CEP97: variants seen among roughly 807,000 people sequenced by gnomAD.
CEP97 encodes centrosomal protein 97, also known as centrosomal protein of 97 kDa.
CEP97 carries 43 observed loss-of-function variants against 73.1 expected under a neutral mutation model. The ratio of observed to expected loss-of-function variants is 0.59; its 90% CI spans 0.46 to 0.76. CEP97 has a LOEUF of 0.76. CEP97 is among the 30% of genes least tolerant of loss of function. The pLI is 0.00. For missense variants in CEP97, 939 were observed against 1,014.0 expected (o/e 0.93, Z 1.00); for synonymous variants, 337 against 370.0 (o/e 0.91, Z 1.02).
chr3:101,761,815 G>A (rs77609133), intron 9 of CEP97, among the ~76,000 whole-genome samples: 6,119 of 152,186 alleles, frequency 0.04, 440 homozygotes, highest in African/African-American at 0.14. Context: ...GGAACAAAAT[G>A]GTCTTGACAG....
At chr3:101,763,155 C>T (rs1304265486) in intron 10 of CEP97, 1 of 1,251,366 alleles carries the variant, frequency 8.0e-7, no homozygotes, top group Admixed American at 2.4e-5. Context: ...AACTTCTGGG[C>T]TCAAGCAGTC....
rs1410022881 is a variant in CEP97, at chr3:101,727,489, T to C, written c.293T>C (p.Leu98Pro). ...AATAGCATTGGCTGTGTGGAAGGGC[T>C]AAAGGAACTAGTACATCTGGAATGG... Reference protein sequence around the residue: ...PHNSIGCVEGLKELVHLEWLN... With the variant: ...PHNSIGCVEGPKELVHLEWLN... The change falls in exon 3 of 11, where the codon CTA (leucine) becomes CCA (proline). Residue 98 changes from leucine to proline, a missense_variant. Transcript: ENST00000341893. 1.2e-6 allele frequency: 2 copies of C among 1,613,546 alleles called. No homozygotes were observed. Among genetic ancestry groups the C allele is most frequent in the African/African-American group, 1.3e-5 (1 of 74,906 alleles).
At position 101,726,741 on chromosome 3, in the gene CEP97, G is replaced by A; in HGVS notation, c.186+5G>A. On this transcript the variant is annotated splice_donor_5th_base_variant and intron_variant, in intron 2 of 10. Transcript: ENST00000341893. ...AAATGCAAACGATTAATACAGGTAG[G>A]TATTGCAATCTGGGAAATGGTTACA... 1 of 1,580,854 alleles carries A rather than the reference G, an allele frequency of 6.3e-7. No individual in the cohort carries two copies. The highest frequency in any genetic ancestry group is 8.6e-7 in the Non-Finnish European group (1 of 1,162,710).
chr3:101,757,624 A>C lies in CEP97; in HGVS notation c.1028-10A>C. 6.2e-7 allele frequency: 1 copy of C among 1,604,142 alleles called. No homozygotes were observed. The highest frequency in any genetic ancestry group is 1.3e-5 in the African/African-American group (1 of 74,770). Reference sequence around the variant, plus strand: ...TAGTGGTTTAAATGATACTCTGTTGATTCTTCTAGAACCCGTCATTCAAGT... The same window carrying C: ...TAGTGGTTTAAATGATACTCTGTTGCTTCTTCTAGAACCCGTCATTCAAGT... On this transcript the variant is annotated splice_polypyrimidine_tract_variant and intron_variant, in intron 8 of 10. Coordinates refer to ENST00000341893, the MANE Select transcript of CEP97 (RefSeq NM_024548.4).
chr3:101,746,890 A>G (rs1234332352), intron 6 of CEP97, among the ~76,000 whole-genome samples: 1 of 149,204 alleles, frequency 6.7e-6, no homozygotes, highest in Non-Finnish European at 1.5e-5. Context: ...ACACTTCTCA[A>G]AAGAAGACAT....
rs757139052 is a variant in CEP97 at position 101,764,999 on chromosome 3, G to C, written c.2046G>C (p.Trp682Cys). The stretch of plus-strand genomic sequence containing the variant: ...CCTCTTGTGATCAAAATGCTGATTG[G>C]TTTATTGCTTCTGATGTAGCTCCTC... ...QESSCDQNAD[W>C]FIASDVAPQE... is the part of the protein sequence containing the mutation. Residue 682 changes from tryptophan to cysteine, a missense_variant, in exon 11 of 11, where the codon TGG (tryptophan) becomes TGC (cysteine). By Grantham distance (215) the Trp-to-Cys change is radical (BLOSUM62 -2). Transcript: ENST00000341893. 8.1e-6 allele frequency: 13 copies of C among 1,613,978 alleles called. No individual in the cohort carries two copies. In the Admixed American group the frequency reaches 2.0e-4, roughly 25 times the overall value.
At chr3:101,732,979 T>C (rs1449734422) in intron 6 of CEP97, among the ~76,000 whole-genome samples, 1 of 150,124 alleles carries the variant, frequency 6.7e-6, no homozygotes, top group East Asian at 1.9e-4. Context: ...AAAAATTAGC[T>C]GGGTGTGGTG....
intron 6 of CEP97, among the ~76,000 whole-genome samples, chr3:101,753,488 C>G (rs1189099046): frequency 1.3e-5 from 2 of 152,236 alleles, no homozygotes; most frequent in South Asian, 2.1e-4. Context: ...TTTTGTTTGT[C>G]TGTGCCCTGC....
chr3:101,727,381 A>C lies in CEP97; in HGVS notation c.187-2A>C, dbSNP rs757656908. The C allele has an allele frequency of 6.2e-7, 1 of 1,605,168 alleles. No individual in the cohort carries two copies. On this transcript the variant is annotated splice_acceptor_variant, in intron 2 of 10. Coordinates refer to ENST00000341893, the MANE Select transcript of CEP97 (RefSeq NM_024548.4). LOFTEE classifies it high-confidence loss of function. ...AAATAACAATATGTTTCCTTTTTAC[A>C]GTTATCAGTAGCTAATAATCGGCTG...
intron 6 of CEP97, among the ~76,000 whole-genome samples, chr3:101,735,698 C>A (rs1025425867): frequency 7.9e-5 from 12 of 152,266 alleles, no homozygotes; most frequent in African/African-American, 2.9e-4. Context: ...GTCTTCACAA[C>A]CCCACACACC....
intron 8 of CEP97, 86 bp downstream of exon 8, chr3:101,757,282 C>G: frequency 6.8e-7 from 1 of 1,463,736 alleles, no homozygotes; most frequent in African/African-American, 1.4e-5. Flanking sequence ...TGCATATTTT[C>G]ATAATTTTTT....
Position 101,758,057 on chromosome 3 carries a change from G to T in CEP97, c.1451G>T (p.Cys484Phe), listed in dbSNP as rs374373338. Reference protein sequence around the residue: ...EVNEKAGLLPCPEPTIISAIL... With the variant: ...EVNEKAGLLPFPEPTIISAIL... ...AATGAGAAAGCTGGACTATTACCTT[G>T]TCCTGAGCCAACAATAATCAGTGCT... Residue 484 changes from cysteine (C) to phenylalanine (F), a missense_variant, in exon 9 of 11, where the codon TGT (cysteine) becomes TTT (phenylalanine). Coordinates refer to ENST00000341893, the MANE Select transcript of CEP97 (RefSeq NM_024548.4). The T allele has an allele frequency of 8.4e-5, 135 of 1,614,218 alleles. 1 individual carries two copies. In the Middle Eastern group the frequency reaches 9.9e-4, roughly 12 times the overall value.
rs1467867891 is a variant in CEP97, at chr3:101,762,544, G to C, written c.1877G>C (p.Arg626Thr). ...AAATTTGTACAAGAAGAAGCTTTCA[G>C]ATTCCTTTGGAACCAGGTAAACTCC... ...IKKFVQEEAF[R>T]FLWNQVRSLQ... Residue 626 changes from arginine to threonine, a missense_variant, in exon 10 of 11, where the codon AGA becomes ACA. Transcript: ENST00000341893. The C allele has an allele frequency of 5.6e-6, 9 of 1,610,398 alleles. No homozygotes were observed. Among genetic ancestry groups the C allele is most frequent in the South Asian group, 1.1e-5 (1 of 90,490 alleles).
intron 4 of CEP97, 48 bp downstream of exon 4, chr3:101,728,985 A>G (rs762223813): frequency 9.5e-7 from 1 of 1,051,446 alleles, no homozygotes; most frequent in Non-Finnish European, 1.5e-6. Context: ...GCAAAATACC[A>G]AGAGAAAGTA....
intron 4 of CEP97, among the ~76,000 whole-genome samples, chr3:101,729,899 T>C (rs1434187049): frequency 6.6e-6 from 1 of 151,754 alleles, no homozygotes; most frequent in Non-Finnish European, 1.5e-5. Context: ...CTGCCTCCTG[T>C]GTTCAAGTGA....
At chr3:101,759,170 C>T (rs1450482311) in intron 9 of CEP97, 1 of 152,086 alleles carries the variant, frequency 6.6e-6, no homozygotes, top group East Asian at 1.9e-4. Flanking sequence ...GCTAAAAGGA[C>T]TCACAGAACT....
chr3:101,758,004 G>A lies in CEP97; in HGVS notation c.1398G>A (p.Met466Ile), dbSNP rs1450694183. 1.9e-6 allele frequency: 3 copies of A among 1,614,088 alleles called. No homozygotes were observed. The highest frequency in any genetic ancestry group is 2.7e-5 in the African/African-American group (2 of 74,922). ...CTGCAAATGAGAATTCTGTTCAAAT[G>A]ATGAGAAGTGAAATCAATACAGAGG... ...LWAANENSVQ[M>I]MRSEINTEVN... Residue 466 changes from methionine (M) to isoleucine (I), a missense_variant, in exon 9 of 11, where the codon ATG becomes ATA. Physicochemically the swap from Met to Ile is conservative, Grantham distance 10 (BLOSUM62 1). Coordinates refer to ENST00000341893, the MANE Select transcript of CEP97 (RefSeq NM_024548.4).
At chr3:101,724,858 G>A in intron 1 of CEP97, 139 bp downstream of exon 1, 2 of 888,652 alleles carry the variant, frequency 2.3e-6, no homozygotes, top group Non-Finnish European at 3.5e-6. Context: ...GCGGAGGCGG[G>A]CTACCCTCTG....
intron 3 of CEP97, among the ~76,000 whole-genome samples, chr3:101,728,225 C>A (rs1937962393): frequency 6.6e-6 from 1 of 151,672 alleles, no homozygotes; most frequent in South Asian, 2.1e-4. Context: ...CTATTCTATA[C>A]CACCAACTGT....
Sources: allele counts gnomAD v4.1 joint callset (sites outside exome capture counted in the v4.1 genomes callset), GRCh38; gene constraint gnomAD v4.1.1; transcripts MANE v1.5; gene names NCBI Gene and HGNC (gene_info 2026-07-23, HGNC 2026-07-21).